TXNRD1: variants seen among roughly 807,000 people sequenced by gnomAD.
The protein encoded by TXNRD1 is thioredoxin reductase 1.
In TXNRD1, 57 loss-of-function variants were observed where a neutral mutation model predicts 80.3. The ratio of observed to expected loss-of-function variants is 0.71; its 90% confidence interval spans 0.57 to 0.89. TXNRD1 has a LOEUF of 0.89. Among genes scored for constraint, TXNRD1 ranks in the 40% least tolerant of loss-of-function variants. TXNRD1 has a pLI of 0.00. For missense variants in TXNRD1, 730 were observed against 803.0 expected (o/e 0.91, Z 1.10); for synonymous variants, 291 against 285.2 (o/e 1.02, Z -0.20).
intron 2 of TXNRD1, among the ~76,000 whole-genome samples, chr12:104,256,647 C>T (rs766186038): frequency 1.3e-5 from 2 of 151,752 alleles, no homozygotes; most frequent in Admixed American, 6.6e-5. Flanking sequence ...GGTGTGGTGG[C>T]GCATGCCTGT....
chr12:104,323,669 G>A (rs1297342824), intron 10 of TXNRD1, among the ~76,000 whole-genome samples: 2 of 110,998 alleles, frequency 1.8e-5, no homozygotes, highest in Non-Finnish European at 3.7e-5. Context: ...GCGGCTGGCC[G>A]GGCGGGGGGC....
At chr12:104,288,904 G>T in intron 3 of TXNRD1, 27 bp from the exon 4 acceptor site, 1 of 1,613,922 alleles carries the variant, frequency 6.2e-7, no homozygotes, top group East Asian at 2.2e-5. Context: ...CACCTTACAC[G>T]CTCCGCTCTG....
At chr12:104,294,393 G>A (rs2034364480) in intron 4 of TXNRD1, among the ~76,000 whole-genome samples, 1 of 151,986 alleles carries the variant, frequency 6.6e-6, no homozygotes, top group Non-Finnish European at 1.5e-5. Flanking sequence ...CCCTGTTCGG[G>A]CATAACAGAA....
At chr12:104,302,350 A>C (rs1026320523) in intron 4 of TXNRD1, among the ~76,000 whole-genome samples, 2 of 152,016 alleles carry the variant, frequency 1.3e-5, no homozygotes, top group South Asian at 4.1e-4. Context: ...TGGTGCTATG[A>C]AACTGGCAAT....
At chr12:104,273,095 C>T (rs1411386805) in intron 3 of TXNRD1, among the ~76,000 whole-genome samples, 2 of 152,206 alleles carry the variant, frequency 1.3e-5, no homozygotes, top group East Asian at 1.9e-4. Flanking sequence ...TGGCACTGCT[C>T]CAGTTTCCTG....
chr12:104,223,644 T>G (rs981032891), intron 1 of TXNRD1, among the ~76,000 whole-genome samples: 5 of 152,168 alleles, frequency 3.3e-5, no homozygotes, highest in Admixed American at 2.0e-4. Flanking sequence ...AATCCTTACC[T>G]GTGGGAAGGG....
intron 3 of TXNRD1, among the ~76,000 whole-genome samples, chr12:104,271,423 C>T (rs1356286319): frequency 2.0e-5 from 3 of 151,992 alleles, no homozygotes; most frequent in Non-Finnish European, 4.4e-5. Context: ...GTGATCTGCC[C>T]GCCTTAGCCT....
At chr12:104,235,904 C>T (rs1359918765) in intron 1 of TXNRD1, among the ~76,000 whole-genome samples, 1 of 152,130 alleles carries the variant, frequency 6.6e-6, no homozygotes, top group Non-Finnish European at 1.5e-5. Context: ...TGTGCTAAGT[C>T]AGTTCCTGGG....
chr12:104,267,650 T>TTTCCTTCA (rs200360049), intron 3 of TXNRD1, among the ~76,000 whole-genome samples: 1 of 56,286 alleles, frequency 1.8e-5, no homozygotes, highest in African/African-American at 6.8e-5. Flanking sequence ...TGATGGTATC[T>TTTCCTTCA]TTCTTTCTTT....
chr12:104,221,618 A>T (rs1016834990), intron 1 of TXNRD1, among the ~76,000 whole-genome samples: 1 of 152,122 alleles, frequency 6.6e-6, no homozygotes, highest in African/African-American at 2.4e-5. Flanking sequence ...GCTCCCGGCC[A>T]CCTGTTGGTT....
chr12:104,274,154 G>A (rs2033709298), intron 3 of TXNRD1, among the ~76,000 whole-genome samples: 1 of 152,142 alleles, frequency 6.6e-6, no homozygotes, highest in Admixed American at 6.6e-5. Flanking sequence ...CTGTCTTTGG[G>A]GTGGAGAAAT....
chr12:104,264,181 A>G (rs1342258504), intron 3 of TXNRD1, among the ~76,000 whole-genome samples: 1 of 152,134 alleles, frequency 6.6e-6, no homozygotes, highest in Non-Finnish European at 1.5e-5. Flanking sequence ...GTAAGGCACA[A>G]CCTCATTCTT....
intron 3 of TXNRD1, among the ~76,000 whole-genome samples, chr12:104,267,990 C>T (rs1379674989): frequency 6.6e-6 from 1 of 151,352 alleles, no homozygotes; most frequent in African/African-American, 2.4e-5. Context: ...GCTGGGATTA[C>T]AGGCACCTGC....
intron 3 of TXNRD1, among the ~76,000 whole-genome samples, chr12:104,287,718 C>G (rs543768958): frequency 6.6e-6 from 1 of 152,160 alleles, no homozygotes; most frequent in South Asian, 2.1e-4. Flanking sequence ...GGCTTCCTCA[C>G]TCTCTCAGGC....
chr12:104,255,384 C>A (rs1254542496), intron 2 of TXNRD1, among the ~76,000 whole-genome samples: 2 of 152,116 alleles, frequency 1.3e-5, no homozygotes, highest in African/African-American at 4.8e-5. Flanking sequence ...AGCTCTCCTG[C>A]CTATCCCTGA....
chr12:104,337,101 T>G (rs763284752), intron 15 of TXNRD1, among the ~76,000 whole-genome samples: 3 of 152,066 alleles, frequency 2.0e-5, no homozygotes, highest in Non-Finnish European at 4.4e-5. Flanking sequence ...CCTCATTATG[T>G]AGAGCTCTGC....
At chr12:104,284,900 G>T (rs2033940466) in intron 3 of TXNRD1, among the ~76,000 whole-genome samples, 2 of 152,184 alleles carry the variant, frequency 1.3e-5, no homozygotes, top group South Asian at 4.1e-4. Flanking sequence ...CTACGGCCAG[G>T]CACAGTGGCT....
At chr12:104,241,570 T>G (rs4388968) in intron 1 of TXNRD1, among the ~76,000 whole-genome samples, 138,286 of 152,132 alleles carry the variant, frequency 0.91, 63,096 homozygotes, top group African/African-American at 0.98. Context: ...GACTCTCCAC[T>G]TTGGTCAGGC....
intron 13 of TXNRD1, among the ~76,000 whole-genome samples, chr12:104,329,640 C>A (rs1395615254): frequency 2.0e-5 from 3 of 151,580 alleles, no homozygotes; most frequent in Admixed American, 2.0e-4. Flanking sequence ...AGAGTAAGAC[C>A]CTGTCTCCAA....
Sources: allele counts gnomAD v4.1 joint callset (sites outside exome capture counted in the v4.1 genomes callset), GRCh38; gene constraint gnomAD v4.1.1; transcripts MANE v1.5; gene names NCBI Gene and HGNC (gene_info 2026-07-23, HGNC 2026-07-21).